Variants in ANK3 observed in about 807,000 individuals in gnomAD.
The protein encoded by ANK3 is ankyrin 3.
Under a neutral mutation model 370.9 loss-of-function variants are expected in ANK3, and 57 were observed. The ratio of observed to expected loss-of-function variants is 0.15; its 90% CI spans 0.12 to 0.19. ANK3 has a LOEUF of 0.19. ANK3 is among the 10% of genes least tolerant of loss of function. The probability of loss-of-function intolerance (pLI) is 1.00; values close to 1 mark genes in which losing one functional copy is unlikely to be tolerated. For synonymous variants in ANK3, 1,929 were observed against 1,946.3 expected, an observed-to-expected ratio of 0.99 and a Z score of 0.23; for missense variants, 4,439 against 5,302.1, an observed-to-expected ratio of 0.84 and a Z score of 5.06.
chr10:60,356,085 A>T (rs115370512), intron 1 of ANK3, among the ~76,000 whole-genome samples: 14 of 152,208 alleles, frequency 9.2e-5, no homozygotes, highest in African/African-American at 3.4e-4. Context: ...GTGAGAGCCC[A>T]GGGAAGTAGC....
At chr10:60,098,504 A>G (rs2090576166) in intron 28 of ANK3, among the ~76,000 whole-genome samples, 1 of 152,230 alleles carries the variant, frequency 6.6e-6, no homozygotes, top group Admixed American at 6.5e-5. Flanking sequence ...CTAGTTTAGA[A>G]AACTACAGGC....
intron 2 of ANK3, among the ~76,000 whole-genome samples, chr10:60,602,424 C>G (rs1229053119): frequency 1.3e-5 from 2 of 152,164 alleles, no homozygotes; most frequent in Non-Finnish European, 2.9e-5. Flanking sequence ...TTGAAACTCA[C>G]TTGTCTCCGC....
At position 60,602,776 on chromosome 10, in the gene ANK3, A is replaced by G. The variant is rs117996977; in HGVS notation, c.96+12410T>C. 8.4e-3 allele frequency among the ~76,000 whole-genome samples: 1,285 copies of G among 152,210 alleles called. 13 individuals are homozygous for G. The highest frequency in any genetic ancestry group is 0.02 in the Middle Eastern group (6 of 294). Reference sequence around the variant, plus strand: ...ATTACATTTAGGCAGATATCTCCTGATATGACCTAAATCATCATGATATCA... The same window carrying G: ...ATTACATTTAGGCAGATATCTCCTGGTATGACCTAAATCATCATGATATCA... On this transcript the variant is annotated intron_variant, in intron 2 of 43. Coordinates refer to the ANK3 transcript ENST00000373827.
intron 18 of ANK3, among the ~76,000 whole-genome samples, chr10:60,176,179 C>CAAAAAAAAAAAAAAAAA (rs1328240039): frequency 2.5e-5 from 2 of 79,952 alleles, no homozygotes; most frequent in Non-Finnish European, 5.3e-5. Flanking sequence ...GCTAAAAATA[C>CAAAAAAAAAAAAAAAAA]AAAAAAAAAA....
chr10:60,644,310 A>G (rs958044832), intron 1 of ANK3, among the ~76,000 whole-genome samples: 1 of 152,174 alleles, frequency 6.6e-6, no homozygotes, highest in African/African-American at 2.4e-5. Flanking sequence ...GGTAGATTCC[A>G]CTAATTATTT....
At chr10:60,444,190 A>G (rs375967059) in intron 2 of ANK3, among the ~76,000 whole-genome samples, 6 of 152,160 alleles carry the variant, frequency 3.9e-5, no homozygotes, top group African/African-American at 1.4e-4. Flanking sequence ...GTGTATCACT[A>G]GCACTAAAAT....
intron 1 of ANK3, among the ~76,000 whole-genome samples, chr10:60,623,465 G>T (rs2078366361): frequency 6.6e-6 from 1 of 152,136 alleles, no homozygotes; most frequent in Admixed American, 6.5e-5. Flanking sequence ...AGGCCAGGTA[G>T]GAAAACATAG....
Position 60,377,760 on chromosome 10 carries a change from C to T in ANK3, c.114+11665G>A, listed in dbSNP as rs1315470292. The stretch of plus-strand genomic sequence containing the variant: ...GTGCCTTAGAGTCTGATAGCCATGG[C>T]TTCAAGTTCAGCCTCTGAATTTATC... On this transcript the variant is annotated intron_variant, in intron 1 of 43. Transcript: ENST00000280772. Among the ~76,000 whole-genome samples, 7 of 152,154 alleles carry T rather than the reference C, an allele frequency of 4.6e-5. No individual in the cohort carries two copies. The South Asian group carries it at 6.2e-4, about 14-fold the overall frequency.
rs541814217 is a variant in ANK3, at chr10:60,669,262, C to G, written c.58-54038G>C. ...GACAAATGTCGGCACAGAAGTGCAGCGCTAAATAACTTGACAAACTTTTCT... is the reference window on the plus strand; with the variant it reads ...GACAAATGTCGGCACAGAAGTGCAGGGCTAAATAACTTGACAAACTTTTCT... On this transcript the variant is annotated intron_variant, in intron 1 of 43. Transcript: ENST00000373827. Among the ~76,000 whole-genome samples the G allele has an allele frequency of 5.9e-5, 9 of 152,316 alleles. No homozygotes were observed. The South Asian group carries it at 1.7e-3, about 28-fold the overall frequency.
chr10:60,495,127 G>T (rs1051019025), intron 2 of ANK3, among the ~76,000 whole-genome samples: 1 of 152,136 alleles, frequency 6.6e-6, no homozygotes, highest in African/African-American at 2.4e-5. Flanking sequence ...AAAAGTTCAG[G>T]TCAACAGCAA....
intron 1 of ANK3, among the ~76,000 whole-genome samples, chr10:60,304,641 T>C (rs1399504798): frequency 6.6e-6 from 1 of 152,032 alleles, no homozygotes; most frequent in African/African-American, 2.4e-5. Context: ...AGGCTCTGTC[T>C]CGAAAAAAAG....
intron 1 of ANK3, among the ~76,000 whole-genome samples, chr10:60,282,663 C>A (rs1169363519): frequency 2.0e-5 from 3 of 152,110 alleles, no homozygotes; most frequent in Admixed American, 2.0e-4. Context: ...ATATCTATTT[C>A]ATTCAATGAC....
At chr10:60,600,765 A>G (rs1470852665) in intron 2 of ANK3, among the ~76,000 whole-genome samples, 2 of 152,180 alleles carry the variant, frequency 1.3e-5, no homozygotes, top group Non-Finnish European at 2.9e-5. Flanking sequence ...TTAGATATTA[A>G]TGATTTCAAA....
intron 40 of ANK3, among the ~76,000 whole-genome samples, chr10:60,061,292 C>T (rs1230162986): frequency 6.6e-6 from 1 of 152,054 alleles, no homozygotes; most frequent in African/African-American, 2.4e-5. Flanking sequence ...TCTAAATTTC[C>T]CTAAGAAATT....
chr10:60,731,964 A>T (rs1455496231), intron 1 of ANK3, among the ~76,000 whole-genome samples: 2 of 152,228 alleles, frequency 1.3e-5, no homozygotes, highest in Non-Finnish European at 2.9e-5. Context: ...GAAACTTCAG[A>T]GTCTTCTTTT....
intron 2 of ANK3, among the ~76,000 whole-genome samples, chr10:60,560,857 C>T (rs1282697316): frequency 6.6e-6 from 1 of 151,732 alleles, no homozygotes. Flanking sequence ...TGTAATTATA[C>T]ATAAAATCTT....
chr10:60,176,196 C>CAAA (rs553748635), intron 18 of ANK3, among the ~76,000 whole-genome samples: 28 of 136,482 alleles, frequency 2.1e-4, no homozygotes, highest in African/African-American at 6.9e-4. Flanking sequence ...AAAAAAAAAA[C>CAAA]AAAAAAAAAC....
chr10:60,511,820 T>G (rs1244727237), intron 2 of ANK3, among the ~76,000 whole-genome samples: 1 of 151,940 alleles, frequency 6.6e-6, no homozygotes, highest in South Asian at 2.1e-4. Context: ...AGAGGAGACT[T>G]TGCAAATTGT....
chr10:60,136,267 C>T (rs867870038), intron 24 of ANK3, among the ~76,000 whole-genome samples: 2 of 152,092 alleles, frequency 1.3e-5, no homozygotes, highest in Admixed American at 6.6e-5. Context: ...CCAACAACAG[C>T]GGCTACTGAG....
Sources: gnomAD v4.1 joint callset for allele counts (sites outside exome capture counted in the v4.1 genomes callset) on GRCh38, gnomAD v4.1.1 for gene constraint, MANE v1.5 for transcripts, NCBI Gene and HGNC (gene_info 2026-07-23, HGNC 2026-07-21) for gene names.